The following NXPH1 variants were observed in gnomAD, a reference collection of about 807,000 sequenced individuals.
The protein encoded by NXPH1 is neurexophilin-1.
NXPH1 carries 5 observed loss-of-function variants against 23.7 expected under a neutral mutation model. The ratio of observed to expected loss-of-function variants is 0.21; its 90% CI spans 0.11 to 0.44. The LOEUF (loss-of-function observed/expected upper bound fraction) is 0.44. NXPH1 is among the 20% of genes least tolerant of loss of function. The probability of loss-of-function intolerance (pLI) is 0.99; values close to 1 mark genes in which losing one functional copy is unlikely to be tolerated. For missense variants in NXPH1, 324 were observed against 321.6 expected (o/e 1.01, Z -0.06); for synonymous variants, 144 against 122.2 (o/e 1.18, Z -1.18).
At chr7:8,444,503 C>T (rs1056102936) in intron 2 of NXPH1, among the ~76,000 whole-genome samples, 19 of 152,218 alleles carry the variant, frequency 1.2e-4, no homozygotes, top group Admixed American at 6.5e-5. Flanking sequence ...ATTCCCATTT[C>T]TCCTCTCTTC....
intron 2 of NXPH1, among the ~76,000 whole-genome samples, chr7:8,625,618 C>G (rs1166184726): frequency 6.6e-6 from 1 of 152,132 alleles, no homozygotes; most frequent in Non-Finnish European, 1.5e-5. Flanking sequence ...CATTAGAAAT[C>G]TACCAGCTCC....
intron 2 of NXPH1, among the ~76,000 whole-genome samples, chr7:8,644,766 C>T (rs932221339): frequency 3.9e-5 from 6 of 152,090 alleles, no homozygotes; most frequent in Non-Finnish European, 7.4e-5. Flanking sequence ...CCATTGGATC[C>T]CATTGTGTAT....
intron 2 of NXPH1, among the ~76,000 whole-genome samples, chr7:8,572,783 C>A (rs373291456): frequency 6.6e-6 from 1 of 151,256 alleles, no homozygotes; most frequent in Non-Finnish European, 1.5e-5. Context: ...ACAAATATAT[C>A]AAACAGAATA....
At chr7:8,508,923 C>G (rs1181760965) in intron 2 of NXPH1, among the ~76,000 whole-genome samples, 2 of 152,002 alleles carry the variant, frequency 1.3e-5, no homozygotes, top group African/African-American at 2.4e-5. Context: ...GGAAATAGGA[C>G]TAGATCCATG....
At chr7:8,499,285 C>G (rs1422112286) in intron 2 of NXPH1, among the ~76,000 whole-genome samples, 1 of 152,064 alleles carries the variant, frequency 6.6e-6, no homozygotes, top group Non-Finnish European at 1.5e-5. Flanking sequence ...ACAGCACAGA[C>G]AGAATGCCCA....
chr7:8,480,737 C>G (rs760602407), intron 2 of NXPH1, among the ~76,000 whole-genome samples: 31 of 152,130 alleles, frequency 2.0e-4, no homozygotes, highest in African/African-American at 6.7e-4. Context: ...ACTTTGCCAC[C>G]CGGCAATTGT....
Position 8,435,536 on chromosome 7 carries a change from C to T in NXPH1, c.-110-68C>T. ...CCCACTCCCCGCTACGACCCCCTTTCCCCGCTTGATTGTCAAGCCTAACCT... is the reference window on the plus strand; with the variant it reads ...CCCACTCCCCGCTACGACCCCCTTTTCCCGCTTGATTGTCAAGCCTAACCT... On this transcript the variant is annotated intron_variant, in intron 1 of 2. Coordinates refer to ENST00000405863, the MANE Select transcript of NXPH1 (RefSeq NM_152745.3). The surrounding 1 kb of genome is among the most constrained non-coding windows in gnomAD (Gnocchi z 5.9). 3.5e-6 allele frequency: 2 copies of T among 579,490 alleles called. No homozygotes were observed. Among genetic ancestry groups the T allele is most frequent in the Non-Finnish European group, 6.3e-6 (2 of 319,660 alleles). 35.9% of individuals were successfully genotyped at this position (579,490 alleles called of 1,614,324 possible). A position where few individuals can be genotyped will look rare whatever the true frequency, so the allele number is the denominator to read the frequency against.
intron 2 of NXPH1, among the ~76,000 whole-genome samples, chr7:8,599,148 C>T (rs574016871): frequency 2.0e-5 from 3 of 152,146 alleles, no homozygotes; most frequent in Admixed American, 2.0e-4. Flanking sequence ...AAATAGAAGG[C>T]TGTGGGAGAA....
chr7:8,574,474 T>A (rs1412292869), intron 2 of NXPH1, among the ~76,000 whole-genome samples: 1 of 152,072 alleles, frequency 6.6e-6, no homozygotes, highest in African/African-American at 2.4e-5. Flanking sequence ...GATTGCTCAG[T>A]CTAGTCAATA....
In NXPH1 at chr7:8,750,892, T is replaced by G. The variant is rs185190473; in HGVS notation, c.55-116T>G. On this transcript the variant is annotated intron_variant, in intron 2 of 2. Transcript: ENST00000405863. ...TGGGTGTTCTTCTCAGATGCGGTGC[T>G]TTTAAAAAAAAGTGTAATTATTTAA... 1,484 of 1,039,298 alleles carry G rather than the reference T, an allele frequency of 1.4e-3. 9 individuals carry two copies. Among genetic ancestry groups the G allele is most frequent in the Non-Finnish European group, 2.1e-4 (146 of 705,306 alleles). 64.4% of individuals were successfully genotyped at this position (1,039,298 alleles called of 1,614,324 possible). A position where few individuals can be genotyped will look rare whatever the true frequency, so the allele number is the denominator to read the frequency against.
chr7:8,600,642 C>T (rs1445010613), intron 2 of NXPH1, among the ~76,000 whole-genome samples: 1 of 152,180 alleles, frequency 6.6e-6, no homozygotes, highest in Non-Finnish European at 1.5e-5. Flanking sequence ...ACAACTAGTT[C>T]TAAGTCTTGA....
At chr7:8,504,514 A>C (rs1342468546) in intron 2 of NXPH1, among the ~76,000 whole-genome samples, 2 of 151,990 alleles carry the variant, frequency 1.3e-5, no homozygotes, top group African/African-American at 4.8e-5. Flanking sequence ...CATCACAGAA[A>C]CTGCAGCCAC....
intron 2 of NXPH1, among the ~76,000 whole-genome samples, chr7:8,647,841 C>T (rs1288322235): frequency 1.3e-5 from 2 of 151,148 alleles, no homozygotes; most frequent in Admixed American, 6.6e-5. Context: ...TTATCCCTAA[C>T]CCATTATCTT....
chr7:8,490,415 T>G (rs1281254849), intron 2 of NXPH1, among the ~76,000 whole-genome samples: 3 of 151,952 alleles, frequency 2.0e-5, no homozygotes, highest in African/African-American at 7.3e-5. Context: ...AGGCTGTTTT[T>G]TTTTTTTTTA....
intron 2 of NXPH1, among the ~76,000 whole-genome samples, chr7:8,663,405 C>T (rs868369960): frequency 5.9e-5 from 9 of 152,040 alleles, no homozygotes; most frequent in Middle Eastern, 3.2e-3. Context: ...TGTTATCTGC[C>T]TAGCCCCATT....
At chr7:8,750,508 A>G (rs184145957) in intron 2 of NXPH1, among the ~76,000 whole-genome samples, 264 of 152,272 alleles carry the variant, frequency 1.7e-3, no homozygotes, top group African/African-American at 6.2e-3. Context: ...CCAGAGAATC[A>G]TACAGTTTTA....
intron 2 of NXPH1, among the ~76,000 whole-genome samples, chr7:8,712,552 C>T (rs984692484): frequency 1.6e-4 from 25 of 151,960 alleles, no homozygotes; most frequent in Admixed American, 2.0e-4. Flanking sequence ...AGATTTCAAT[C>T]GAATGAGAAA....
At chr7:8,541,321 G>C (rs1818113899) in intron 2 of NXPH1, among the ~76,000 whole-genome samples, 1 of 151,722 alleles carries the variant, frequency 6.6e-6, no homozygotes, top group South Asian at 2.1e-4. Flanking sequence ...GGATATGAAA[G>C]AGGACATCAG....
At chr7:8,603,941 A>G (rs1020990520) in intron 2 of NXPH1, among the ~76,000 whole-genome samples, 2 of 152,192 alleles carry the variant, frequency 1.3e-5, no homozygotes, top group Non-Finnish European at 2.9e-5. Flanking sequence ...TATCAAGACT[A>G]TTATTGAAAT....
Sources: gnomAD v4.1 joint callset for allele counts (sites outside exome capture counted in the v4.1 genomes callset) on GRCh38, gnomAD v4.1.1 for gene constraint, Gnocchi (gnomAD v3.1) non-coding constraint, MANE v1.5 for transcripts, NCBI Gene and HGNC (gene_info 2026-07-23, HGNC 2026-07-21) for gene names.